Variants in COL10A1 observed in about 807,000 individuals in gnomAD.
The protein encoded by COL10A1 is collagen alpha-1(X) chain.
Under a neutral mutation model 18.2 loss-of-function variants are expected in COL10A1, and 10 were observed. The ratio of observed to expected loss-of-function variants is 0.55; its 90% confidence interval spans 0.34 to 0.93. The LOEUF (loss-of-function observed/expected upper bound fraction) is 0.93. Ranked by LOEUF, COL10A1 falls within the 40% of genes least tolerant of loss-of-function variation. The pLI, the probability that COL10A1 is intolerant of heterozygous loss-of-function variation, is 0.02. For synonymous variants in COL10A1, 330 were observed against 316.6 expected (o/e 1.04, Z -0.45); for missense variants, 897 against 853.5 (o/e 1.05, Z -0.64).
upstream of COL10A1, chr6:116,158,789 T>C (rs1780263708): frequency 6.6e-6 from 1 of 152,204 alleles, no homozygotes; most frequent in African/African-American, 2.4e-5. Flanking sequence ...GCTTTTGAAC[T>C]TTATACTTTT....
At chr6:116,186,255 T>C in the COL10A1 span, among the ~76,000 whole-genome samples, 1 of 152,018 alleles carries the variant, frequency 6.6e-6, no homozygotes, top group Admixed American at 6.6e-5. Context: ...ATCTGATAGG[T>C]TTTCCTTTAA....
chr6:116,147,620 C>T (rs1779931313), intron 1 of COL10A1, among the ~76,000 whole-genome samples: 1 of 151,976 alleles, frequency 6.6e-6, no homozygotes, highest in Admixed American at 6.6e-5. Flanking sequence ...GGCCTTAAAC[C>T]TATGCAAAGA....
At position 116,121,555 on chromosome 6, in the gene COL10A1, C is replaced by A. The variant is rs765917029; in HGVS notation, c.561G>T (p.Gln187His). The A allele has an allele frequency of 6.2e-7, 1 of 1,614,122 alleles. No individual in the cohort carries two copies. Among genetic ancestry groups the A allele is most frequent in the South Asian group, 1.1e-5 (1 of 91,078 alleles). The part of the protein sequence containing the change: ...GAPGVPGMNG[Q>H]KGEMGYGAPG... ...GAGCACCATATCCCATTTCCCCTTT[C>A]TGTCCATTCATACCAGGGACTCCTG... Residue 187 changes from glutamine to histidine, a missense_variant, in exon 3 of 3, where the codon CAG (glutamine) becomes CAT (histidine). By Grantham distance (24) the Gln-to-His change is conservative. Coordinates refer to ENST00000651968, the MANE Select transcript of COL10A1 (RefSeq NM_000493.4).
Position 116,121,923 on chromosome 6 carries a change from G to T in COL10A1, c.193C>A (p.Pro65Thr), listed in dbSNP as rs1228331045. The change falls in exon 3 of 3, where the codon CCA (proline) becomes ACA (threonine). Residue 65 changes from proline to threonine, a missense_variant. By Grantham distance (38) the Pro-to-Thr change is conservative. Transcript: ENST00000651968. ...VRGEQGTPGP[P>T]GPAGPRGHPG... ...TGCCCTCGAGGTCCAGCAGGGCCTG[G>T]TGGACCAGGAGTACCTTGCTCTCCT... 1 of 1,613,690 alleles carries T rather than the reference G, an allele frequency of 6.2e-7. No homozygotes were observed. Among genetic ancestry groups the T allele is most frequent in the Admixed American group, 1.7e-5 (1 of 60,010 alleles).
At chr6:116,209,327 T>TTTA in the COL10A1 span, among the ~76,000 whole-genome samples, 1 of 151,982 alleles carries the variant, frequency 6.6e-6, no homozygotes, top group Admixed American at 6.6e-5. Flanking sequence ...ACCTCTGGTC[T>TTTA]TTATGGTCAC....
chr6:116,204,163 GA>G, the COL10A1 span, among the ~76,000 whole-genome samples: 1 of 151,930 alleles, frequency 6.6e-6, no homozygotes, highest in Non-Finnish European at 1.5e-5. Context: ...GGTGGGGTAA[GA>G]AACACTTCAG....
chr6:116,176,374 G>T, the COL10A1 span, among the ~76,000 whole-genome samples: 1 of 152,164 alleles, frequency 6.6e-6, no homozygotes, highest in Non-Finnish European at 1.5e-5. Flanking sequence ...GGGCCTGGAG[G>T]CAGGGTATAG....
At position 116,135,411 on chromosome 6, in the gene COL10A1, G is replaced by GC. The variant is rs200573830; in HGVS notation, c.-15-9905dup. Among the ~76,000 whole-genome samples, 871 of 150,150 alleles carry GC rather than the reference G, an allele frequency of 5.8e-3. 11 individuals are homozygous for GC. Among genetic ancestry groups the GC allele is most frequent in the Middle Eastern group, 0.017 (5 of 288 alleles). ...TTTTTTTTCTGTAGCATCCATAACCGCCCCCCCCACCTTTTTATTTAACAA... is the reference window on the plus strand; with the variant it reads ...TTTTTTTTCTGTAGCATCCATAACCGCCCCCCCCCACCTTTTTATTTAACAA... On this transcript the variant is annotated intron_variant, in intron 1 of 1. Coordinates refer to the COL10A1 transcript ENST00000418500.
chr6:116,176,461 G>A, the COL10A1 span, among the ~76,000 whole-genome samples: 13 of 152,068 alleles, frequency 8.5e-5, no homozygotes, highest in African/African-American at 3.1e-4. Flanking sequence ...TGCTTTACTG[G>A]TTCTCCTCCC....
chr6:116,158,008 G>C lies in COL10A1; in HGVS notation c.-16+606C>G, dbSNP rs73772300. Among the ~76,000 whole-genome samples, 866 of 152,216 alleles carry C rather than the reference G, an allele frequency of 5.7e-3. 17 individuals carry two copies. Among genetic ancestry groups the C allele is most frequent in the South Asian group, 0.046 (221 of 4,820 alleles). On this transcript the variant is annotated intron_variant, in intron 1 of 1. Coordinates refer to the COL10A1 transcript ENST00000418500. ...ACTTCCCTTTCCAGTTTTTTCCTCT[G>C]ATCATTTGACATTTCCACTTCTTAA...
chr6:116,134,559 A>G (rs1779542249), intron 1 of COL10A1, among the ~76,000 whole-genome samples: 1 of 152,146 alleles, frequency 6.6e-6, no homozygotes, highest in Non-Finnish European at 1.5e-5. Context: ...TTCCATGTTT[A>G]TTGAGGTGGA....
chr6:116,217,026 G>A, the COL10A1 span, among the ~76,000 whole-genome samples: 398 of 152,178 alleles, frequency 2.6e-3, 1 homozygote, highest in African/African-American at 9.3e-3. Flanking sequence ...TAGTCCCCTC[G>A]GACAGCAGCT....
At chr6:116,157,818 C>T (rs536514296) in intron 1 of COL10A1, among the ~76,000 whole-genome samples, 1 of 152,178 alleles carries the variant, frequency 6.6e-6, no homozygotes, top group Non-Finnish European at 1.5e-5. Context: ...ACCCAGCTGA[C>T]CTGACTCACC....
intron 1 of COL10A1, among the ~76,000 whole-genome samples, chr6:116,136,583 A>G (rs897964475): frequency 9.9e-5 from 15 of 152,164 alleles, no homozygotes; most frequent in Admixed American, 6.5e-4. Flanking sequence ...CACACCACAT[A>G]ACACTTACTA....
the COL10A1 span, among the ~76,000 whole-genome samples, chr6:116,204,189 G>A: frequency 2.0e-5 from 3 of 151,914 alleles, no homozygotes; most frequent in Non-Finnish European, 4.4e-5. Context: ...TAATACCACC[G>A]AGTTTGTCAA....
At position 116,119,449 on chromosome 6, in the gene COL10A1, A is replaced by G. The variant is rs994239965; in HGVS notation, c.*624T>C. On this transcript the variant is annotated 3_prime_UTR_variant, in exon 3 of 3. Transcript: ENST00000651968. Reference sequence around the variant, plus strand: ...CCTTGCATTTCAGATGAACTTCAATATTTTGGGGCTTTTTTATATAAGAGC... The same window carrying G: ...CCTTGCATTTCAGATGAACTTCAATGTTTTGGGGCTTTTTTATATAAGAGC... 9 of 152,602 alleles carry G rather than the reference A, an allele frequency of 5.9e-5. 1 individual carries two copies. Among genetic ancestry groups the G allele is most frequent in the African/African-American group, 2.2e-4 (9 of 41,440 alleles). The allele number at this position is 152,602 out of a possible 1,614,324, so 9.5% of individuals were successfully genotyped here. A position where few individuals can be genotyped will look rare whatever the true frequency, so the allele number is the denominator to read the frequency against.
At chr6:116,142,944 A>G (rs1779801699) in intron 1 of COL10A1, among the ~76,000 whole-genome samples, 1 of 152,208 alleles carries the variant, frequency 6.6e-6, no homozygotes, top group Non-Finnish European at 1.5e-5. Context: ...ATCTGGATTA[A>G]CTATTCTCTG....
chr6:116,186,154 C>T, the COL10A1 span, among the ~76,000 whole-genome samples: 5 of 152,012 alleles, frequency 3.3e-5, no homozygotes, highest in African/African-American at 7.2e-5. Context: ...ATACAAAATT[C>T]TTATATGATA....
At chr6:116,151,817 C>G (rs1304319118) in intron 1 of COL10A1, among the ~76,000 whole-genome samples, 1 of 152,168 alleles carries the variant, frequency 6.6e-6, no homozygotes, top group African/African-American at 2.4e-5. Context: ...AAATACTTCA[C>G]TGTACTCTTT....
Sources: allele counts gnomAD v4.1 joint callset (sites outside exome capture counted in the v4.1 genomes callset), GRCh38; gene constraint gnomAD v4.1.1; transcripts MANE v1.5; gene names NCBI Gene and HGNC (gene_info 2026-07-23, HGNC 2026-07-21).